The following TFB1M variants were observed in gnomAD, a reference collection of about 807,000 sequenced individuals.
TFB1M encodes the protein transcription factor B1, mitochondrial.
A neutral mutation model predicts 31.1 loss-of-function variants in TFB1M; 27 were observed. That is an observed-to-expected ratio of 0.87 (90% CI 0.64 to 1.20). The LOEUF (loss-of-function observed/expected upper bound fraction) is 1.20, where lower values mean the gene tolerates loss of function less well. Among genes scored for constraint, TFB1M ranks in the 50% most tolerant of loss-of-function variants. The probability of loss-of-function intolerance (pLI) is 0.00; values close to 1 mark genes in which losing one functional copy is unlikely to be tolerated. For synonymous variants in TFB1M, 166 were observed against 151.8 expected (o/e 1.09, Z -0.69); for missense variants, 394 against 418.7 (o/e 0.94, Z 0.51).
intron 4 of TFB1M, among the ~76,000 whole-genome samples, chr6:155,289,921 C>T (rs976020388): frequency 6.6e-6 from 1 of 152,170 alleles, no homozygotes; most frequent in African/African-American, 2.4e-5. Flanking sequence ...CCTACTGCTC[C>T]AGCCACATAA....
rs993821748 is a variant in TFB1M, at chr6:155,257,209, A to G, written c.*627T>C. 4 of 1,298,766 alleles carry G rather than the reference A, an allele frequency of 3.1e-6. No individual in the cohort carries two copies. Among genetic ancestry groups the G allele is most frequent in the African/African-American group, 1.5e-5 (1 of 66,406 alleles). 80.5% of individuals were successfully genotyped at this position (1,298,766 alleles called of 1,614,324 possible). On this transcript the variant is annotated 3_prime_UTR_variant, in exon 7 of 7. Transcript: ENST00000367166. The stretch of plus-strand genomic sequence containing the variant: ...AAATTGCAAAAAAAAAAAAAAAAAA[A>G]AACTGTTCATTCCTGGGTTTTGTGC...
chr6:155,271,473 C>T (rs1175806445), intron 5 of TFB1M, among the ~76,000 whole-genome samples: 1 of 152,138 alleles, frequency 6.6e-6, no homozygotes, highest in African/African-American at 2.4e-5. Context: ...ACCACACACA[C>T]AAAAATACCT....
intron 3 of TFB1M, 140 bp downstream of exon 3, chr6:155,298,337 T>C (rs1301051521): frequency 8.2e-6 from 5 of 606,990 alleles, no homozygotes; most frequent in South Asian, 6.0e-5. Flanking sequence ...GAGAAAATTA[T>C]AATACACATT....
chr6:155,288,161 A>C (rs531150653), intron 4 of TFB1M, among the ~76,000 whole-genome samples: 1 of 152,330 alleles, frequency 6.6e-6, no homozygotes, highest in Non-Finnish European at 1.5e-5. Flanking sequence ...ATATGGAAGA[A>C]ACTTCCTATG....
intron 1 of TFB1M, among the ~76,000 whole-genome samples, chr6:155,312,065 G>C (rs1360611915): frequency 1.3e-5 from 2 of 152,108 alleles, no homozygotes; most frequent in Admixed American, 1.3e-4. Context: ...ATCACATCTG[G>C]AAAAACATGC....
At chr6:155,234,501 C>G in the TFB1M span, among the ~76,000 whole-genome samples, 1 of 152,206 alleles carries the variant, frequency 6.6e-6, no homozygotes, top group East Asian at 1.9e-4. Context: ...CTCCTGGGCT[C>G]AAGCCATCCT....
At chr6:155,286,932 A>T (rs985057622) in intron 4 of TFB1M, among the ~76,000 whole-genome samples, 1 of 152,172 alleles carries the variant, frequency 6.6e-6, no homozygotes, top group African/African-American at 2.4e-5. Flanking sequence ...TATAGTGTTC[A>T]GAATACAGAT....
chr6:155,246,327 T>C, the TFB1M span, among the ~76,000 whole-genome samples: 2 of 152,116 alleles, frequency 1.3e-5, no homozygotes, highest in Non-Finnish European at 2.9e-5. Flanking sequence ...CAGAACGTCA[T>C]GATATCCCAG....
At chr6:155,287,551 A>AGTGTGTGTGTGTGT (rs150032717) in intron 4 of TFB1M, among the ~76,000 whole-genome samples, 12,651 of 147,516 alleles carry the variant, frequency 0.086, 614 homozygotes, top group Non-Finnish European at 0.093. Context: ...ATTTACTCTG[A>AGTGTGTGTGTGTGT]GTGTGTGTGT....
At chr6:155,251,004 T>C in the TFB1M span, 1 of 1,614,004 alleles carries the variant, frequency 6.2e-7, no homozygotes, top group Non-Finnish European at 8.5e-7. Flanking sequence ...AGAAAGGACC[T>C]TGAGCTCACA....
chr6:155,305,451 A>G (rs1777667224), intron 2 of TFB1M, among the ~76,000 whole-genome samples: 2 of 29,948 alleles, frequency 6.7e-5, no homozygotes, highest in African/African-American at 1.6e-4. Context: ...ATATTAAATT[A>G]TATATTTATA....
At chr6:155,252,963 C>A, downstream of TFB1M, 2 of 1,614,152 alleles carry the variant, frequency 1.2e-6, no homozygotes, top group Non-Finnish European at 1.7e-6. Flanking sequence ...GAATTCCCGG[C>A]CTGCACACAA....
chr6:155,303,088 T>C (rs536506727), intron 2 of TFB1M: 3 of 152,356 alleles, frequency 2.0e-5, no homozygotes, highest in South Asian at 4.1e-4. Context: ...AATAATTGTG[T>C]GTTCTTACCA....
chr6:155,243,277 C>T, the TFB1M span, among the ~76,000 whole-genome samples: 1 of 152,158 alleles, frequency 6.6e-6, no homozygotes, highest in Non-Finnish European at 1.5e-5. Flanking sequence ...TTGACCCTCC[C>T]AGCTCCATGC....
intron 4 of TFB1M, among the ~76,000 whole-genome samples, chr6:155,291,835 A>G (rs1453025403): frequency 6.6e-6 from 1 of 152,224 alleles, no homozygotes; most frequent in African/African-American, 2.4e-5. Flanking sequence ...AAACAAGGGT[A>G]AAAAGAGAGG....
At chr6:155,304,979 T>C (rs550370981) in intron 2 of TFB1M, among the ~76,000 whole-genome samples, 8 of 149,748 alleles carry the variant, frequency 5.3e-5, no homozygotes, top group African/African-American at 2.0e-4. Flanking sequence ...AAGACAGTAT[T>C]TTCAAAAAAT....
intron 5 of TFB1M, among the ~76,000 whole-genome samples, chr6:155,269,788 C>A (rs1784839352): frequency 6.6e-6 from 1 of 152,202 alleles, no homozygotes; most frequent in Non-Finnish European, 1.5e-5. Context: ...AAATTCTAGT[C>A]CTGCTTAGAA....
the TFB1M span, chr6:155,244,201 C>A: frequency 2.1e-6 from 2 of 943,794 alleles, no homozygotes; most frequent in Non-Finnish European, 3.3e-6. Context: ...ACTTAACGGT[C>A]TTCTGAGAGT....
the TFB1M span, among the ~76,000 whole-genome samples, chr6:155,243,846 CAAAAAAAAAAAAA>C: frequency 1.1e-3 from 60 of 55,058 alleles, no homozygotes; most frequent in African/African-American, 2.5e-3. Flanking sequence ...GACTCCGTCT[CAAAAAAAAAAAAA>C]AAAAAAAAAA....
Sources: allele counts gnomAD v4.1 joint callset (sites outside exome capture counted in the v4.1 genomes callset), GRCh38; gene constraint gnomAD v4.1.1; transcripts MANE v1.5; gene names NCBI Gene and HGNC (gene_info 2026-07-23, HGNC 2026-07-21).